The following TIPRL variants were observed in gnomAD, a reference collection of about 807,000 sequenced individuals.
TIPRL encodes TIP41-like protein.
Under a neutral mutation model 32.3 loss-of-function variants are expected in TIPRL, and 10 were observed. That is an observed-to-expected ratio of 0.31 (90% confidence interval 0.19 to 0.52). The LOEUF is 0.52. Among genes scored for constraint, TIPRL ranks in the 20% least tolerant of loss-of-function variants. The pLI is 0.96. For synonymous variants in TIPRL, 100 were observed against 114.0 expected, an observed-to-expected ratio of 0.88 and a Z score of 0.78; for missense variants, 250 against 328.1, an observed-to-expected ratio of 0.76 and a Z score of 1.84.
At chr1:168,181,512 T>C (rs572548891) in intron 1 of TIPRL, among the ~76,000 whole-genome samples, 61 of 150,932 alleles carry the variant, frequency 4.0e-4, no homozygotes, top group Middle Eastern at 3.4e-3. Flanking sequence ...GCACCCGGCC[T>C]CCTCTCCATA....
intron 4 of TIPRL, among the ~76,000 whole-genome samples, chr1:168,195,630 A>C (rs1700144484): frequency 6.6e-6 from 1 of 152,200 alleles, no homozygotes; most frequent in Non-Finnish European, 1.5e-5. Flanking sequence ...GCTGGAGTGC[A>C]GTGTTACAAT....
rs941514461 is a variant in TIPRL at position 168,185,505 on chromosome 1, G to A, written c.384+627G>A. 3.3e-5 allele frequency among the ~76,000 whole-genome samples: 5 copies of A among 152,074 alleles called. No individual in the cohort carries two copies. In the East Asian group the frequency reaches 9.7e-4, roughly 29 times the overall value. On this transcript the variant is annotated intron_variant, in intron 3 of 6. Transcript: ENST00000367833. ...GAAGAGATTGGGGCCAGGCGCAGTG[G>A]CTCACGCCTGTAATCCCAGCACTTT...
Position 168,184,824 on chromosome 1 carries a change from G to T in TIPRL, c.330G>T (p.Trp110Cys). The change falls in exon 3 of 7, where the codon TGG (tryptophan) becomes TGT (cysteine). Residue 110 changes from tryptophan to cysteine, a missense_variant. By Grantham distance (215) the Trp-to-Cys change is radical (BLOSUM62 -2). Transcript: ENST00000367833. ...HSKEVIKPYD[W>C]TYTTDYKGTL... ...AAGAGGTTATTAAACCATATGATTG[G>T]ACCTATACAACAGATTATAAGGGAA... 6.2e-7 allele frequency: 1 copy of T among 1,612,756 alleles called. No individual in the cohort carries two copies. Among genetic ancestry groups the T allele is most frequent in the Non-Finnish European group, 8.5e-7 (1 of 1,179,286 alleles).
Position 168,184,827 on chromosome 1 carries a change from C to A in TIPRL, c.333C>A (p.Thr111=). ...SKEVIKPYDW[T]YTTDYKGTLL... ...AGGTTATTAAACCATATGATTGGAC[C>A]TATACAACAGATTATAAGGGAACCT... The change falls in exon 3 of 7, where the codon ACC becomes ACA. Residue 111 remains threonine (T), a synonymous_variant. Coordinates refer to ENST00000367833, the MANE Select transcript of TIPRL (RefSeq NM_152902.5). 1 of 1,612,566 alleles carries A rather than the reference C, an allele frequency of 6.2e-7. No individual in the cohort carries two copies. Among genetic ancestry groups the A allele is most frequent in the African/African-American group, 1.3e-5 (1 of 74,984 alleles).
chr1:168,200,447 TGTTGATGTACTG>T lies in TIPRL; in HGVS notation c.*403_*414del, dbSNP rs1471435400. 6.3e-6 allele frequency: 1 copy of T among 158,966 alleles called. No individual in the cohort carries two copies. The allele number at this position is 158,966 out of a possible 1,614,324, so 9.8% of individuals were successfully genotyped here. ...CTTTCATAGGATTCCTGATCATGCA[TGTTGATGTACTG>T]GCTCTTCACTTTGGGCTTTCTGATG... On this transcript the variant is annotated 3_prime_UTR_variant, in exon 7 of 7. Transcript: ENST00000367833.
intron 3 of TIPRL, 42 bp from the exon 4 acceptor site, chr1:168,191,327 C>CTT: frequency 6.3e-6 from 9 of 1,437,112 alleles, no homozygotes; most frequent in Non-Finnish European, 4.6e-6. Context: ...AGCTCCTCAA[C>CTT]TTTTTTTTTA....
Position 168,191,450 on chromosome 1 carries a change from T to G in TIPRL, c.466T>G (p.Phe156Val). 6.5e-7 allele frequency: 1 copy of G among 1,532,178 alleles called. No individual in the cohort carries two copies. The allele number at this position is 1,532,178 out of a possible 1,614,324, so 94.9% of individuals were successfully genotyped here. ...TAAGTTTTTTGAAGAAGTTCTCCTT[T>G]TTGAGGATGAACTTCATGATCATGG... The part of the protein sequence containing the change: ...QIKFFEEVLL[F>V]EDELHDHGVS... Residue 156 changes from phenylalanine to valine, a missense_variant, in exon 4 of 7, where the codon TTT becomes GTT. By Grantham distance (50) the Phe-to-Val change is conservative. Transcript: ENST00000367833.
chr1:168,183,565 G>A (rs532450688), intron 1 of TIPRL, among the ~76,000 whole-genome samples: 2 of 152,000 alleles, frequency 1.3e-5, no homozygotes, highest in East Asian at 3.9e-4. Flanking sequence ...TCCTACAAGA[G>A]ACAGTATCTT....
In TIPRL at chr1:168,200,596, G is replaced by A. The variant is rs1700199482; in HGVS notation, c.*550G>A. ...ATGTATTTCCCCCCAGTTTTAAATT[G>A]CCTTTGAAATTTAAAAAAAAAAAAT... On this transcript the variant is annotated 3_prime_UTR_variant, in exon 7 of 7. Transcript: ENST00000367833. 1 of 129,488 alleles carries A rather than the reference G, an allele frequency of 7.7e-6. No homozygotes were observed. The highest frequency in any genetic ancestry group is 2.2e-4 in the South Asian group (1 of 4,534). The allele number at this position is 129,488 out of a possible 1,614,324, so 8.0% of individuals were successfully genotyped here.
At position 168,194,188 on chromosome 1, in the gene TIPRL, C is replaced by A. The variant is rs1040969968; in HGVS notation, c.517-2359C>A. ...CTAAAGTCAGATCATTATAAGTAGG[C>A]TTTTTCACCTCTGTGAATGCCTGGT... On this transcript the variant is annotated intron_variant, in intron 4 of 6. Coordinates refer to ENST00000367833, the MANE Select transcript of TIPRL (RefSeq NM_152902.5). Among the ~76,000 whole-genome samples, 3 of 152,118 alleles carry A rather than the reference C, an allele frequency of 2.0e-5. No individual in the cohort carries two copies. In the East Asian group the frequency reaches 5.8e-4, roughly 29 times the overall value.
intron 1 of TIPRL, among the ~76,000 whole-genome samples, chr1:168,180,664 T>C (rs1168379332): frequency 6.6e-6 from 1 of 151,980 alleles, no homozygotes; most frequent in Non-Finnish European, 1.5e-5. Context: ...GCTTCCTAAT[T>C]CAAGAAAATA....
In TIPRL at chr1:168,201,773, G is replaced by A. The variant is rs962266307; in HGVS notation, c.*1727G>A. On this transcript the variant is annotated 3_prime_UTR_variant, in exon 7 of 7. Coordinates refer to ENST00000367833, the MANE Select transcript of TIPRL (RefSeq NM_152902.5). ...AATTGGAGCTTCTGGGCAACATCGT[G>A]TGTGTGTGTGTGTGTGTGTGTGTGT... 3.5e-5 allele frequency: 2 copies of A among 57,822 alleles called. No individual in the cohort carries two copies. The highest frequency in any genetic ancestry group is 1.1e-4 in the African/African-American group (1 of 9,044). 3.6% of individuals were successfully genotyped at this position (57,822 alleles called of 1,614,324 possible).
At chr1:168,179,212 T>C (rs1699929728) in intron 1 of TIPRL, 31 bp downstream of exon 1, 1 of 1,605,894 alleles carries the variant, frequency 6.2e-7, no homozygotes, top group East Asian at 2.2e-5. Flanking sequence ...GTCTGGGCGC[T>C]GGCCGGTTGC....
In TIPRL at chr1:168,200,070, T is replaced by A. The variant is rs763892824; in HGVS notation, c.*24T>A. On this transcript the variant is annotated 3_prime_UTR_variant, in exon 7 of 7. Transcript: ENST00000367833. ...AAAATGTGATACAACATATACTCAC[T>A]ATGGAATCTGACTGGACACCTTGGC... 6.2e-7 allele frequency: 1 copy of A among 1,606,136 alleles called. No individual in the cohort carries two copies. Among genetic ancestry groups the A allele is most frequent in the East Asian group, 2.2e-5 (1 of 44,580 alleles).
chr1:168,184,393 A>G (rs192399348), intron 2 of TIPRL, among the ~76,000 whole-genome samples: 25 of 152,334 alleles, frequency 1.6e-4, no homozygotes, highest in Non-Finnish European at 2.2e-4. Flanking sequence ...TTAAGAAAAA[A>G]TGTTTACTTA....
intron 3 of TIPRL, among the ~76,000 whole-genome samples, chr1:168,185,705 G>T (rs1420361698): frequency 6.6e-6 from 1 of 151,014 alleles, no homozygotes; most frequent in Non-Finnish European, 1.5e-5. Flanking sequence ...GGGAGGTGGA[G>T]GTTGCAGTGG....
chr1:168,199,064 AC>A, intron 6 of TIPRL, 83 bp downstream of exon 6: 1 of 1,006,736 alleles, frequency 9.9e-7, no homozygotes, highest in Non-Finnish European at 1.5e-6. Context: ...GACCCCAACC[AC>A]CCAAGTTTAC....
chr1:168,192,289 T>G (rs1700108549), intron 4 of TIPRL: 2 of 1,188,082 alleles, frequency 1.7e-6, no homozygotes, highest in Non-Finnish European at 2.2e-6. Flanking sequence ...GAGCTTGCAG[T>G]GAGCTGAGAT....
chr1:168,194,179 A>G (rs770753867), intron 4 of TIPRL, among the ~76,000 whole-genome samples: 4 of 152,174 alleles, frequency 2.6e-5, no homozygotes, highest in African/African-American at 4.8e-5. Context: ...TCAGATCATT[A>G]TAAGTAGGCT....
Sources: allele counts gnomAD v4.1 joint callset (sites outside exome capture counted in the v4.1 genomes callset), GRCh38; gene constraint gnomAD v4.1.1; transcripts MANE v1.5; gene names NCBI Gene and HGNC (gene_info 2026-07-23, HGNC 2026-07-21).